Variants in PPM1L observed in about 807,000 individuals in gnomAD.
PPM1L encodes protein phosphatase 1L.
In PPM1L, 13 loss-of-function variants were observed where a neutral mutation model predicts 31.4. That is an observed-to-expected ratio of 0.41 (90% CI 0.27 to 0.66). The LOEUF (loss-of-function observed/expected upper bound fraction) is 0.66, where lower values mean the gene tolerates loss of function less well. PPM1L is among the 30% of genes least tolerant of loss of function. The pLI, the probability that PPM1L is intolerant of heterozygous loss-of-function variation, is 0.29. For synonymous variants in PPM1L, 184 were observed against 175.4 expected (o/e 1.05, Z -0.39); for missense variants, 326 against 453.7 (o/e 0.72, Z 2.56).
At chr3:160,996,532 T>G (rs545694246) in intron 2 of PPM1L, among the ~76,000 whole-genome samples, 10 of 152,194 alleles carry the variant, frequency 6.6e-5, no homozygotes, top group African/African-American at 2.4e-4. Flanking sequence ...GTGAAGTAAC[T>G]CAGAAATGGA....
chr3:160,943,644 G>C (rs1310472873), intron 1 of PPM1L, among the ~76,000 whole-genome samples: 1 of 152,162 alleles, frequency 6.6e-6, no homozygotes, highest in East Asian at 1.9e-4. Context: ...ATTTTGTTTT[G>C]TACTGCTCTT....
rs1300957564 is a variant in PPM1L, at chr3:161,078,115, T to C, written c.*8958T>C. On this transcript the variant is annotated 3_prime_UTR_variant, in exon 4 of 4. Coordinates refer to ENST00000498165, the MANE Select transcript of PPM1L (RefSeq NM_139245.4). Reference sequence around the variant, plus strand: ...AATCATGAGCACATATAAAAGGAAATTCAAATGAAACCAAGCCAATTTCTG... The same window carrying C: ...AATCATGAGCACATATAAAAGGAAACTCAAATGAAACCAAGCCAATTTCTG... The C allele has an allele frequency of 6.6e-6, 1 of 152,048 alleles. No individual in the cohort carries two copies. Among genetic ancestry groups the C allele is most frequent in the Non-Finnish European group, 1.5e-5 (1 of 68,024 alleles). 9.4% of individuals were successfully genotyped at this position (152,048 alleles called of 1,614,324 possible).
intron 1 of PPM1L, among the ~76,000 whole-genome samples, chr3:160,869,140 A>G (rs1416052367): frequency 2.0e-5 from 3 of 152,218 alleles, no homozygotes; most frequent in Non-Finnish European, 4.4e-5. Flanking sequence ...TATTAAATTC[A>G]TGGGATTGTT....
At chr3:160,962,643 A>C (rs1038594153) in intron 2 of PPM1L, among the ~76,000 whole-genome samples, 4 of 152,078 alleles carry the variant, frequency 2.6e-5, no homozygotes, top group Non-Finnish European at 5.9e-5. Flanking sequence ...TAATGGTCAA[A>C]TGTTAATGGT....
chr3:160,778,135 C>T (rs1271348146), intron 1 of PPM1L, among the ~76,000 whole-genome samples: 1 of 151,866 alleles, frequency 6.6e-6, no homozygotes, highest in Non-Finnish European at 1.5e-5. Flanking sequence ...CATTTTTTAT[C>T]TGCTTATTGG....
intron 1 of PPM1L, among the ~76,000 whole-genome samples, chr3:160,852,432 G>A (rs1039231329): frequency 6.6e-6 from 1 of 152,072 alleles, no homozygotes; most frequent in Non-Finnish European, 1.5e-5. Flanking sequence ...TATTAAAAAG[G>A]GATAGCAGTG....
chr3:161,069,066 T>C lies in PPM1L; in HGVS notation c.992T>C (p.Ile331Thr). 1 of 1,614,222 alleles carries C rather than the reference T, an allele frequency of 6.2e-7. No individual in the cohort carries two copies. The highest frequency in any genetic ancestry group is 8.5e-7 in the Non-Finnish European group (1 of 1,180,034). Residue 331 changes from isoleucine (I) to threonine (T), a missense_variant, in exon 4 of 4, where the codon ATA becomes ACA. By Grantham distance (89) the Ile-to-Thr change is moderately conservative. Coordinates refer to ENST00000498165, the MANE Select transcript of PPM1L (RefSeq NM_139245.4). ...LDEPHFGAKS[I>T]VLQSFYRGCP... ...GAACCTCACTTTGGGGCCAAGAGCA[T>C]AGTTTTACAGTCATTTTACAGAGGC... is the stretch of plus-strand genomic sequence containing the variant.
At position 161,058,058 on chromosome 3, in the gene PPM1L, A is replaced by G. The variant is rs187801457; in HGVS notation, c.575-7345A>G. ...TTTTTGAGTTCCAGAGAGGTTAAGT[A>G]TATAATAAAATGTTTAGCATTATAA... is the stretch of plus-strand genomic sequence containing the variant. On this transcript the variant is annotated intron_variant, in intron 2 of 3. Transcript: ENST00000498165. 3.0e-3 allele frequency among the ~76,000 whole-genome samples: 444 copies of G among 149,826 alleles called. 1 individual carries two copies. The highest frequency in any genetic ancestry group is 0.017 in the Middle Eastern group (5 of 288).
intron 1 of PPM1L, among the ~76,000 whole-genome samples, chr3:160,857,134 A>G (rs1711735894): frequency 6.6e-6 from 1 of 152,234 alleles, no homozygotes; most frequent in African/African-American, 2.4e-5. Context: ...TTTTAAAAAA[A>G]TGCCTTTTGT....
chr3:160,869,714 ATGTATG>A (rs928313740), intron 1 of PPM1L, among the ~76,000 whole-genome samples: 4 of 85,626 alleles, frequency 4.7e-5, no homozygotes, highest in East Asian at 3.1e-4. Context: ...CTTTGGTGCA[ATGTATG>A]TGTGTGTGTG....
intron 2 of PPM1L, among the ~76,000 whole-genome samples, chr3:161,053,976 A>G (rs1336000914): frequency 1.3e-5 from 2 of 152,180 alleles, no homozygotes; most frequent in African/African-American, 4.8e-5. Flanking sequence ...TTCTCATAAA[A>G]TGTCATTCCT....
chr3:160,879,375 A>G (rs1712626276), intron 1 of PPM1L, among the ~76,000 whole-genome samples: 1 of 152,148 alleles, frequency 6.6e-6, no homozygotes, highest in Non-Finnish European at 1.5e-5. Flanking sequence ...TTTTTACCCT[A>G]GATTATAATT....
intron 2 of PPM1L, among the ~76,000 whole-genome samples, chr3:160,978,353 T>G (rs1214295876): frequency 6.6e-6 from 1 of 152,144 alleles, no homozygotes; most frequent in African/African-American, 2.4e-5. Context: ...AATAGTTTAG[T>G]CCGAGGCAGC....
chr3:160,990,233 C>A (rs906855326), intron 2 of PPM1L, among the ~76,000 whole-genome samples: 1 of 151,894 alleles, frequency 6.6e-6, no homozygotes, highest in African/African-American at 2.4e-5. Context: ...AACTCCTGGG[C>A]GCAAATGATT....
chr3:160,885,650 G>A (rs1046753004), intron 1 of PPM1L, among the ~76,000 whole-genome samples: 5 of 152,242 alleles, frequency 3.3e-5, no homozygotes, highest in Non-Finnish European at 7.3e-5. Context: ...CACAGCCAAG[G>A]GAGGCAGTGA....
chr3:160,991,441 C>T (rs6441346), intron 2 of PPM1L, among the ~76,000 whole-genome samples: 71,673 of 151,964 alleles, frequency 0.47, 18,212 homozygotes, highest in East Asian at 0.7. Context: ...TAAGAATCCC[C>T]AAGGAGAGTT....
At chr3:161,038,877 C>A (rs1718829243) in intron 2 of PPM1L, among the ~76,000 whole-genome samples, 1 of 152,092 alleles carries the variant, frequency 6.6e-6, no homozygotes, top group Admixed American at 6.6e-5. Flanking sequence ...GATAGGAAGT[C>A]AGCAAAAAAT....
At chr3:160,763,855 G>A (rs1715034658) in intron 1 of PPM1L, among the ~76,000 whole-genome samples, 1 of 152,090 alleles carries the variant, frequency 6.6e-6, no homozygotes. Flanking sequence ...AGGATGTGAT[G>A]GGAGTGGATA....
chr3:160,944,908 TATATA>T (rs1453086131), intron 1 of PPM1L, among the ~76,000 whole-genome samples: 2 of 60,704 alleles, frequency 3.3e-5, no homozygotes, highest in Non-Finnish European at 6.7e-5. Flanking sequence ...TGATGTTACA[TATATA>T]ATATATAGTG....
Sources: allele counts gnomAD v4.1 joint callset (sites outside exome capture counted in the v4.1 genomes callset), GRCh38; gene constraint gnomAD v4.1.1; transcripts MANE v1.5; gene names NCBI Gene and HGNC (gene_info 2026-07-23, HGNC 2026-07-21).